The following TMEM150C variants were observed in gnomAD, a reference collection of about 807,000 sequenced individuals.
The protein encoded by TMEM150C is transmembrane protein 150C.
A neutral mutation model predicts 29.9 loss-of-function variants in TMEM150C; 10 were observed. The observed-to-expected ratio is 0.33, with a 90% CI of 0.21 to 0.57. TMEM150C has a LOEUF of 0.57. Ranked by LOEUF, TMEM150C falls within the 20% of genes least tolerant of loss-of-function variation. The pLI is 0.88. For missense variants in TMEM150C, 251 were observed against 303.6 expected (o/e 0.83, Z 1.29); for synonymous variants, 101 against 112.5 (o/e 0.90, Z 0.64).
In TMEM150C at chr4:82,527,019, C is replaced by CTTTT. The variant is rs893109064; in HGVS notation, c.-10-22356_-10-22353dup. Among the ~76,000 whole-genome samples the CTTTT allele has an allele frequency of 2.3e-3, 169 of 74,722 alleles. 3 individuals are homozygous for CTTTT. Among genetic ancestry groups the CTTTT allele is most frequent in the Non-Finnish European group, 3.4e-3 (143 of 41,552 alleles). The allele number at this position is 74,722 out of a possible 152,430, so 49.0% of individuals were successfully genotyped here. A position where few individuals can be genotyped will look rare whatever the true frequency, so the allele number is the denominator to read the frequency against. On this transcript the variant is annotated intron_variant, in intron 1 of 7. Coordinates refer to ENST00000449862, the MANE Select transcript of TMEM150C (RefSeq NM_001080506.3). ...CCTCACCACCCAGATCATACTGGGT[C>CTTTT]TTTTTTTTTTTTTTTTTTTTTTTTG...
At chr4:82,550,459 G>A (rs1725533822) in intron 1 of TMEM150C, among the ~76,000 whole-genome samples, 1 of 152,148 alleles carries the variant, frequency 6.6e-6, no homozygotes, top group African/African-American at 2.4e-5. Context: ...GGGAAGTCAA[G>A]AGACTAGAGG....
At chr4:82,536,268 G>T (rs1724999883) in intron 1 of TMEM150C, among the ~76,000 whole-genome samples, 1 of 147,346 alleles carries the variant, frequency 6.8e-6, no homozygotes, top group Admixed American at 7.1e-5. Context: ...TGAGGCAGGA[G>T]AATCGCTTGA....
intron 6 of TMEM150C, among the ~76,000 whole-genome samples, chr4:82,493,475 T>C (rs551629395): frequency 4.2e-4 from 64 of 152,340 alleles, no homozygotes; most frequent in African/African-American, 1.5e-3. Context: ...GGTTTCTCCA[T>C]GGGAAACTAA....
At chr4:82,529,465 A>G (rs1432721617) in intron 1 of TMEM150C, among the ~76,000 whole-genome samples, 1 of 151,182 alleles carries the variant, frequency 6.6e-6, no homozygotes, top group Non-Finnish European at 1.5e-5. Flanking sequence ...TTTTTTTGAC[A>G]TTTTCTAGAG....
At chr4:82,491,337 A>G in intron 6 of TMEM150C, 1 of 656,930 alleles carries the variant, frequency 1.5e-6, no homozygotes, top group Middle Eastern at 4.3e-4. Context: ...GGCTAGCTTA[A>G]GCAGCTGAGT....
intron 1 of TMEM150C, among the ~76,000 whole-genome samples, chr4:82,546,550 C>T (rs899403415): frequency 2.6e-5 from 4 of 152,126 alleles, no homozygotes; most frequent in African/African-American, 9.7e-5. Context: ...AAACTGGGGC[C>T]GGGCGTGGTG....
At chr4:82,560,614 T>C (rs1284294631) in intron 1 of TMEM150C, among the ~76,000 whole-genome samples, 1 of 152,196 alleles carries the variant, frequency 6.6e-6, no homozygotes, top group Admixed American at 6.5e-5. Context: ...TAAAATTCTT[T>C]GATCGGTCAC....
intron 7 of TMEM150C, among the ~76,000 whole-genome samples, chr4:82,489,337 T>C (rs1723259269): frequency 6.6e-6 from 1 of 152,028 alleles, no homozygotes; most frequent in Non-Finnish European, 1.5e-5. Context: ...AGTGAGGTGC[T>C]CTCCTCTGCC....
intron 1 of TMEM150C, among the ~76,000 whole-genome samples, chr4:82,527,675 T>C (rs1253853068): frequency 6.6e-6 from 1 of 152,206 alleles, no homozygotes; most frequent in Non-Finnish European, 1.5e-5. Flanking sequence ...CCTAACTCTC[T>C]GCCCAGTGGA....
At chr4:82,528,266 A>C (rs1444252055) in intron 1 of TMEM150C, among the ~76,000 whole-genome samples, 4 of 152,200 alleles carry the variant, frequency 2.6e-5, no homozygotes, top group Non-Finnish European at 5.9e-5. Context: ...GGGCTCTCGA[A>C]CTTCAGCAGG....
intron 1 of TMEM150C, among the ~76,000 whole-genome samples, chr4:82,532,011 G>C (rs1228046090): frequency 6.6e-6 from 1 of 152,092 alleles, no homozygotes; most frequent in Non-Finnish European, 1.5e-5. Context: ...TTGAGAAAGG[G>C]ATGGGAGGAA....
intron 1 of TMEM150C, among the ~76,000 whole-genome samples, chr4:82,548,312 T>C (rs996291068): frequency 1.3e-5 from 2 of 152,200 alleles, no homozygotes; most frequent in East Asian, 3.8e-4. Context: ...AACTTGGACA[T>C]GTACCTCCTA....
At chr4:82,501,582 G>A (rs1023233981) in intron 5 of TMEM150C, among the ~76,000 whole-genome samples, 2 of 152,104 alleles carry the variant, frequency 1.3e-5, no homozygotes, top group Admixed American at 6.6e-5. Context: ...GCTCCCCAGC[G>A]TACTTCTTTT....
intron 1 of TMEM150C, among the ~76,000 whole-genome samples, chr4:82,561,305 C>G (rs1462140379): frequency 6.6e-6 from 1 of 152,212 alleles, no homozygotes; most frequent in Non-Finnish European, 1.5e-5. Context: ...CATTTCTTCC[C>G]AAGTGTGCGC....
At chr4:82,544,207 G>T (rs1725283336) in intron 1 of TMEM150C, among the ~76,000 whole-genome samples, 1 of 152,108 alleles carries the variant, frequency 6.6e-6, no homozygotes, top group Non-Finnish European at 1.5e-5. Context: ...TCCCATAAGG[G>T]TCCTGTTCAA....
At chr4:82,518,920 A>T (rs1724384563) in intron 1 of TMEM150C, among the ~76,000 whole-genome samples, 1 of 152,146 alleles carries the variant, frequency 6.6e-6, no homozygotes, top group Non-Finnish European at 1.5e-5. Context: ...TATTTATAGC[A>T]TATTATTTGG....
intron 1 of TMEM150C, among the ~76,000 whole-genome samples, chr4:82,543,861 T>A (rs1458590482): frequency 6.6e-6 from 1 of 152,226 alleles, no homozygotes; most frequent in Non-Finnish European, 1.5e-5. Flanking sequence ...AATCAGTTCA[T>A]TTCCACAGTA....
At chr4:82,548,143 A>G (rs1042085001) in intron 1 of TMEM150C, among the ~76,000 whole-genome samples, 7 of 152,200 alleles carry the variant, frequency 4.6e-5, no homozygotes, top group African/African-American at 1.7e-4. Context: ...GTGGGAGCTA[A>G]ACAATGGGTA....
intron 1 of TMEM150C, among the ~76,000 whole-genome samples, chr4:82,527,104 T>G (rs1724681460): frequency 6.7e-6 from 1 of 149,548 alleles, no homozygotes; most frequent in Admixed American, 6.8e-5. Flanking sequence ...GTATTTCAGC[T>G]TCAGTCATGT....
Sources: gnomAD v4.1 joint callset for allele counts (sites outside exome capture counted in the v4.1 genomes callset) on GRCh38, gnomAD v4.1.1 for gene constraint, MANE v1.5 for transcripts, NCBI Gene and HGNC (gene_info 2026-07-23, HGNC 2026-07-21) for gene names.